Variants in KRT86 observed in about 807,000 individuals in gnomAD.
KRT86 encodes the protein keratin 86.
Under a neutral mutation model 41.2 loss-of-function variants are expected in KRT86, and 30 were observed. The ratio of observed to expected loss-of-function variants is 0.73; its 90% CI spans 0.54 to 0.99. The LOEUF (loss-of-function observed/expected upper bound fraction) is 0.99, where lower values mean the gene tolerates loss of function less well. Among genes scored for constraint, KRT86 ranks in the 50% least tolerant of loss-of-function variants. The probability of loss-of-function intolerance (pLI) is 0.00; values close to 1 mark genes in which losing one functional copy is unlikely to be tolerated. For missense variants in KRT86, 561 were observed against 571.4 expected (o/e 0.98, Z 0.19); for synonymous variants, 238 against 238.1 (o/e 1.00, Z 0.00).
intron 10 of KRT86, 21 bp downstream of exon 10, chr12:52,308,285 C>A: frequency 3.7e-6 from 6 of 1,614,168 alleles, no homozygotes; most frequent in Non-Finnish European, 5.1e-6. Context: ...GGGTCCGTCC[C>A]CTCCTCCCGC....
chr12:52,302,070 G>T lies in KRT86; in HGVS notation c.154G>T (p.Gly52Ter), dbSNP rs376835872. 1.3e-6 allele frequency: 2 copies of T among 1,598,836 alleles called. No individual in the cohort carries two copies. The highest frequency in any genetic ancestry group is 1.7e-5 in the Admixed American group (1 of 58,660). Residue 52 changes from glycine (G) to a stop codon, truncating the protein, a stop_gained, in exon 3 of 11, where the codon GGA becomes TGA. Transcript: ENST00000423955. LOFTEE classifies it high-confidence loss of function. Reference sequence around the variant, plus strand: ...GGGCTTCGGCAGCCACAGCGTGTGCGGAGGCTTTCGGGCCGGCTCCTGCGG... The same window carrying T: ...GGGCTTCGGCAGCCACAGCGTGTGCTGAGGCTTTCGGGCCGGCTCCTGCGG... ...TGGFGSHSVC[G>*]GFRAGSCGRS...
At chr12:52,304,680 G>A (rs1350066387) in intron 5 of KRT86, among the ~76,000 whole-genome samples, 2 of 151,780 alleles carry the variant, frequency 1.3e-5, no homozygotes, top group African/African-American at 4.8e-5. Flanking sequence ...GCAGGAGAGG[G>A]GAGAAAGGAG....
intron 9 of KRT86, among the ~76,000 whole-genome samples, chr12:52,307,242 G>T (rs558880293): frequency 6.6e-6 from 1 of 152,352 alleles, no homozygotes; most frequent in South Asian, 2.1e-4. Context: ...GGGTCTGTCT[G>T]GCTGGGCCTG....
intron 2 of KRT86, chr12:52,287,819 TGCAGC>T: frequency 6.2e-7 from 1 of 1,609,222 alleles, no homozygotes; most frequent in Non-Finnish European, 8.5e-7. Context: ...GCTCAGCCTG[TGCAGC>T]CACACATGGC....
intron 9 of KRT86, among the ~76,000 whole-genome samples, chr12:52,308,018 G>A (rs1938555260): frequency 6.6e-6 from 1 of 152,250 alleles, no homozygotes; most frequent in African/African-American, 2.4e-5. Flanking sequence ...GGGTTGCACA[G>A]CTCAGAAGCA....
chr12:52,284,893 A>T (rs1223695296), intron 2 of KRT86, among the ~76,000 whole-genome samples: 1 of 152,188 alleles, frequency 6.6e-6, no homozygotes, highest in Admixed American at 6.5e-5. Context: ...TGCATGAAGG[A>T]GCTGAATGGC....
chr12:52,293,423 C>A (rs1400258949), intron 2 of KRT86, among the ~76,000 whole-genome samples: 2 of 152,170 alleles, frequency 1.3e-5, no homozygotes, highest in Admixed American at 6.5e-5. Context: ...AACCCCTTGA[C>A]TTCCTAATCT....
Position 52,301,082 on chromosome 12 carries a change from G to C in KRT86, c.-4-831G>C, listed in dbSNP as rs549089425. ...GTTGAATGTGCAGGTGAGGACCTGTGAGTGTGTGTGTGTGTGTGAGATGGT... is the reference window on the plus strand; with the variant it reads ...GTTGAATGTGCAGGTGAGGACCTGTCAGTGTGTGTGTGTGTGTGAGATGGT... On this transcript the variant is annotated intron_variant, in intron 2 of 10. Coordinates refer to ENST00000423955, the MANE Select transcript of KRT86 (RefSeq NM_001320198.2). Among the ~76,000 whole-genome samples, 4 of 152,236 alleles carry C rather than the reference G, an allele frequency of 2.6e-5. No homozygotes were observed. In the South Asian group the frequency reaches 8.3e-4, roughly 32 times the overall value.
chr12:52,283,809 C>T (rs967395202), intron 2 of KRT86, among the ~76,000 whole-genome samples: 1 of 151,374 alleles, frequency 6.6e-6, no homozygotes, highest in African/African-American at 2.4e-5. Context: ...AGCAGATACA[C>T]TAAGGCCCAG....
intron 2 of KRT86, chr12:52,287,696 A>C: frequency 6.2e-7 from 1 of 1,613,970 alleles, no homozygotes; most frequent in Non-Finnish European, 8.5e-7. Context: ...CCCGTGCCTG[A>C]TCACCGTGGC....
intron 2 of KRT86, 157 bp from the exon 3 acceptor site, chr12:52,301,756 C>T (rs1018744333): frequency 3.0e-5 from 43 of 1,456,112 alleles, no homozygotes; most frequent in Non-Finnish European, 4.0e-5. Flanking sequence ...AACCCAAGCC[C>T]ATAAAGCCTT....
rs1036997028 is a variant in KRT86, at chr12:52,275,843, T to G, written c.-108T>G. ...CAGTGTGAGGAATTAAAGGCAACTGTGCAGAAACACACGCAGAGCCTGAAG... is the reference window on the plus strand; with the variant it reads ...CAGTGTGAGGAATTAAAGGCAACTGGGCAGAAACACACGCAGAGCCTGAAG... On this transcript the variant is annotated 5_prime_UTR_variant, in exon 2 of 11. Coordinates refer to ENST00000423955, the MANE Select transcript of KRT86 (RefSeq NM_001320198.2). 1.6e-5 allele frequency: 16 copies of G among 985,834 alleles called. No homozygotes were observed. Among genetic ancestry groups the G allele is most frequent in the Non-Finnish European group, 1.9e-5 (16 of 829,994 alleles). The allele number at this position is 985,834 out of a possible 1,614,324, so 61.1% of individuals were successfully genotyped here.
intron 2 of KRT86, among the ~76,000 whole-genome samples, chr12:52,297,922 C>T (rs936227237): frequency 3.3e-5 from 5 of 152,186 alleles, no homozygotes; most frequent in African/African-American, 9.7e-5. Context: ...CATCCTCAAC[C>T]TCATGAAATC....
In KRT86 at chr12:52,308,616, CG is replaced by C; in HGVS notation, c.*32del. 1.3e-6 allele frequency: 2 copies of C among 1,586,268 alleles called. No homozygotes were observed. Among genetic ancestry groups the C allele is most frequent in the Non-Finnish European group, 1.7e-6 (2 of 1,173,268 alleles). ...TGCCGCCTCCGCCAGCGCCTGTCGC[CG>C]TCACTCTCCACCCAGCCAGTACCTC... On this transcript the variant is annotated 3_prime_UTR_variant, in exon 11 of 11. Transcript: ENST00000423955.
rs1327625255 is a variant in KRT86 at position 52,304,445 on chromosome 12, GC to G, written c.639+275del. 0.01 allele frequency among the ~76,000 whole-genome samples: 1,526 copies of G among 145,932 alleles called. 26 individuals are homozygous for G. The highest frequency in any genetic ancestry group is 0.036 in the African/African-American group (1,425 of 39,270). On this transcript the variant is annotated intron_variant, in intron 5 of 10. Coordinates refer to ENST00000423955, the MANE Select transcript of KRT86 (RefSeq NM_001320198.2). ...TCTGTTCCAGAGGTTGTGGTCTATT[GC>G]TGAGGCCCCTGGAGCCATAGCAGAT...
chr12:52,296,735 T>C (rs1317021391), intron 2 of KRT86, among the ~76,000 whole-genome samples: 2 of 152,170 alleles, frequency 1.3e-5, no homozygotes, highest in African/African-American at 2.4e-5. Context: ...CCAGGTGTTG[T>C]GTAAGCAGCC....
In KRT86 at chr12:52,305,030, G is replaced by T; in HGVS notation, c.735+3G>T. The T allele has an allele frequency of 1.2e-6, 2 of 1,613,868 alleles. No homozygotes were observed. The highest frequency in any genetic ancestry group is 1.7e-6 in the Non-Finnish European group (2 of 1,179,918). Reference sequence around the variant, plus strand: ...TCCTGAGGCGGCTGTATGAGGAGGTGCGGGCTCAGGGGCCAGGCAGAGACC... The same window carrying T: ...TCCTGAGGCGGCTGTATGAGGAGGTTCGGGCTCAGGGGCCAGGCAGAGACC... On this transcript the variant is annotated splice_donor_region_variant and intron_variant, in intron 6 of 10. Coordinates refer to ENST00000423955, the MANE Select transcript of KRT86 (RefSeq NM_001320198.2).
At chr12:52,288,073 T>C (rs1938016865) in intron 2 of KRT86, 6 of 1,614,222 alleles carry the variant, frequency 3.7e-6, no homozygotes, top group Admixed American at 1.7e-5. Context: ...ATGCAGTCCA[T>C]GTTCAGGTCC....
chr12:52,308,668 C>A lies in KRT86; in HGVS notation c.*83C>A. ...GCGCCACCAGAACGCGCCGCCCGCG[C>A]CGGCCTCCCAATAGCCGCCGCCCGC... On this transcript the variant is annotated 3_prime_UTR_variant, in exon 11 of 11. Coordinates refer to ENST00000423955, the MANE Select transcript of KRT86 (RefSeq NM_001320198.2). The A allele has an allele frequency of 1.4e-6, 2 of 1,397,042 alleles. No individual in the cohort carries two copies. Among genetic ancestry groups the A allele is most frequent in the Non-Finnish European group, 2.0e-6 (2 of 1,016,862 alleles). 86.5% of individuals were successfully genotyped at this position (1,397,042 alleles called of 1,614,324 possible).
Sources: allele counts gnomAD v4.1 joint callset (sites outside exome capture counted in the v4.1 genomes callset), GRCh38; gene constraint gnomAD v4.1.1; transcripts MANE v1.5; gene names NCBI Gene and HGNC (gene_info 2026-07-23, HGNC 2026-07-21).